IQSEC2: variants seen among roughly 807,000 people sequenced by gnomAD.
IQSEC2 encodes the protein IQ motif and SEC7 domain-containing protein 2.
IQSEC2 carries 6 observed loss-of-function variants against 74.6 expected under a neutral mutation model. The observed-to-expected ratio is 0.08, with a 90% confidence interval of 0.04 to 0.16. The LOEUF is 0.16. Ranked by LOEUF, IQSEC2 falls within the 10% of genes least tolerant of loss-of-function variation. IQSEC2 has a pLI of 1.00. For synonymous variants in IQSEC2, 494 were observed against 544.5 expected, an observed-to-expected ratio of 0.91 and a Z score of 1.29; for missense variants, 734 against 1,306.2, an observed-to-expected ratio of 0.56 and a Z score of 6.75.
chrX:53,232,107 G>A (rs1362016436), downstream of IQSEC2, among the ~76,000 whole-genome samples: 1 of 111,649 alleles, frequency 9.0e-6, no homozygotes, highest in Non-Finnish European at 1.9e-5. Context: ...AAACACGTCC[G>A]TTTCGGAGGG....
chrX:53,255,257 T>A (rs1602292503), intron 3 of IQSEC2, among the ~76,000 whole-genome samples: 1 of 107,446 alleles, frequency 9.3e-6, no homozygotes, highest in African/African-American at 3.4e-5. Flanking sequence ...AGAAAGAGAA[T>A]GAGAAAGGAG....
Position 53,234,413 on chromosome X carries a change from A to G in IQSEC2, c.4273T>C (p.Leu1425=). 1.5e-6 allele frequency: 1 copy of G among 649,924 alleles called. No individual in the cohort carries two copies. The highest frequency in any genetic ancestry group is 1.1e-4 in the East Asian group (1 of 9,298). The allele number at this position is 649,924 out of a possible 1,213,427, so 53.6% of individuals were successfully genotyped here. A position where few individuals can be genotyped will look rare whatever the true frequency, so the allele number is the denominator to read the frequency against. Residue 1425 remains leucine (L), a synonymous_variant, in exon 15 of 15, where the codon TTG becomes CTG. Coordinates refer to ENST00000642864, the MANE Select transcript of IQSEC2 (RefSeq NM_001111125.3). ...YSHPHHPQSP[L]SPHSPIPPHP... ...GGTGGGATGGGTGAGTGTGGTGACA[A>G]TGGTGACTGGGGGTGGTGGGGGTGG...
At chrX:53,246,394 T>C (rs782523564) in intron 8 of IQSEC2, among the ~76,000 whole-genome samples, 1 of 111,673 alleles carries the variant, frequency 9.0e-6, no homozygotes, top group Non-Finnish European at 1.9e-5. Context: ...TTCTGTCTTA[T>C]GTTAGTTATC....
chrX:53,258,831 G>A (rs782619854), intron 2 of IQSEC2, among the ~76,000 whole-genome samples: 3 of 104,306 alleles, frequency 2.9e-5, no homozygotes, highest in South Asian at 4.5e-4. Context: ...GAGACAGAGC[G>A]AGACTCCGTC....
At chrX:53,298,264 C>T (rs191873648) in intron 1 of IQSEC2, among the ~76,000 whole-genome samples, 1 of 106,742 alleles carries the variant, frequency 9.4e-6, no homozygotes, top group South Asian at 4.1e-4. Context: ...AGTTTATGCT[C>T]ATATTTTGCT....
chrX:53,248,741 C>T lies in IQSEC2; in HGVS notation c.2439G>A (p.Gln813=). The T allele has an allele frequency of 8.3e-7, 1 of 1,211,888 alleles. No individual in the cohort carries two copies. The highest frequency in any genetic ancestry group is 1.7e-5 in the African/African-American group (1 of 57,809). The change falls in exon 6 of 15, where the codon CAG becomes CAA. Residue 813 remains glutamine (Q), a synonymous_variant. Coordinates refer to ENST00000642864, the MANE Select transcript of IQSEC2 (RefSeq NM_001111125.3). ...IGEFLGNRQK[Q]FNRDVLDCVV... is the part of the protein sequence containing the mutation. ...CTCACTCCAACACGTCTCTGTTGAA[C>T]TGCTTCTGCCGGTTCCCTAGGAATT... is the stretch of plus-strand genomic sequence containing the variant.
chrX:53,297,096 G>A (rs1280039694), intron 1 of IQSEC2, among the ~76,000 whole-genome samples: 1 of 109,517 alleles, frequency 9.1e-6, no homozygotes, highest in Non-Finnish European at 1.9e-5. Flanking sequence ...TGCCTCCTGG[G>A]GTCAAGCAGT....
rs183742136 is a variant in IQSEC2 at position 53,307,765 on chromosome X, T to C, written c.707+12652A>G. On this transcript the variant is annotated intron_variant, in intron 1 of 14. Transcript: ENST00000642864. ...ACTAAAAATACAAATTAGCCAGGCG[T>C]GGCAGTGCACACCTGTAATCCCAGC... 8.3e-3 allele frequency among the ~76,000 whole-genome samples: 879 copies of C among 105,581 alleles called. 11 individuals are homozygous for C. Among genetic ancestry groups the C allele is most frequent in the Middle Eastern group, 0.025 (5 of 200 alleles). 91.7% of individuals were successfully genotyped at this position (105,581 alleles called of 115,157 possible).
chrX:53,304,778 C>T, intron 1 of IQSEC2, among the ~76,000 whole-genome samples: 1 of 111,482 alleles, frequency 9.0e-6, no homozygotes, highest in African/African-American at 3.3e-5. Flanking sequence ...AGAATACCTT[C>T]CCTAACCTCA....
At chrX:53,302,348 C>T (rs782782276) in intron 1 of IQSEC2, among the ~76,000 whole-genome samples, 1 of 112,683 alleles carries the variant, frequency 8.9e-6, no homozygotes, top group East Asian at 2.8e-4. Flanking sequence ...CTCAGCTCCA[C>T]AGGGCAGAGG....
chrX:53,258,581 G>T (rs1556865768), intron 2 of IQSEC2, among the ~76,000 whole-genome samples: 1 of 111,837 alleles, frequency 8.9e-6, no homozygotes, highest in Non-Finnish European at 1.9e-5. Context: ...TGGGCCGGGC[G>T]TGGTGGCTTA....
chrX:53,308,674 T>C (rs1409606689), intron 1 of IQSEC2, among the ~76,000 whole-genome samples: 1 of 111,433 alleles, frequency 9.0e-6, no homozygotes. Flanking sequence ...CACTAATAAC[T>C]ATGTCTTACA....
At chrX:53,277,421 ATG>A (rs1569319233) in intron 2 of IQSEC2, among the ~76,000 whole-genome samples, 1 of 109,612 alleles carries the variant, frequency 9.1e-6, no homozygotes, top group African/African-American at 3.3e-5. Flanking sequence ...GGGTTTCACT[ATG>A]TTGGCCAGGG....
chrX:53,288,698 T>C (rs1356857964), intron 2 of IQSEC2, among the ~76,000 whole-genome samples: 1 of 112,141 alleles, frequency 8.9e-6, no homozygotes, highest in Non-Finnish European at 1.9e-5. Flanking sequence ...CAAGCATTGC[T>C]TTACTTTAAG....
At chrX:53,230,689 T>G (rs1330471374), downstream of IQSEC2, 1 of 113,392 alleles carries the variant, frequency 8.8e-6, no homozygotes, top group Admixed American at 9.3e-5. Flanking sequence ...AACCTCCGCC[T>G]CTCGGGTTCA....
intron 6 of IQSEC2, 23 bp downstream of exon 6, chrX:53,248,698 C>G: frequency 8.3e-7 from 1 of 1,207,079 alleles, no homozygotes; most frequent in Non-Finnish European, 1.1e-6. Flanking sequence ...CTGGCCCAGC[C>G]TGCCCCATCC....
At chrX:53,284,961 A>G (rs1376202324) in intron 2 of IQSEC2, among the ~76,000 whole-genome samples, 1 of 112,403 alleles carries the variant, frequency 8.9e-6, no homozygotes, top group Admixed American at 9.4e-5. Flanking sequence ...CCACAGTTCC[A>G]GCCTCCCGAT....
chrX:53,265,984 G>A (rs1297298824), intron 2 of IQSEC2, among the ~76,000 whole-genome samples: 3 of 112,445 alleles, frequency 2.7e-5, no homozygotes, highest in African/African-American at 9.7e-5. Context: ...ATGTGTCACT[G>A]AATCATTGTC....
chrX:53,320,846 C>T lies in IQSEC2; in HGVS notation c.278G>A (p.Arg93His), dbSNP rs1556880240. The T allele has an allele frequency of 1.7e-6, 2 of 1,163,977 alleles. No homozygotes were observed. Among genetic ancestry groups the T allele is most frequent in the Non-Finnish European group, 2.3e-6 (2 of 871,119 alleles). Residue 93 changes from arginine to histidine, a missense_variant, in exon 1 of 15, where the codon CGC (arginine) becomes CAC (histidine). Coordinates refer to ENST00000642864, the MANE Select transcript of IQSEC2 (RefSeq NM_001111125.3). ...PGRESQYQNL[R>H]ETQFHHRELR... ...CTCGCGGTGGTGGAACTGGGTCTCG[C>T]GCAGGTTCTGGTACTGGCTCTCGCG...
Sources: allele counts gnomAD v4.1 joint callset (sites outside exome capture counted in the v4.1 genomes callset), GRCh38; gene constraint gnomAD v4.1.1; transcripts MANE v1.5; gene names NCBI Gene and HGNC (gene_info 2026-07-23, HGNC 2026-07-21).